NPHP1: variants seen among roughly 807,000 people sequenced by gnomAD.
The protein encoded by NPHP1 is nephrocystin 1, also known as nephrocystin-1.
Under a neutral mutation model 90.4 loss-of-function variants are expected in NPHP1, and 70 were observed. That is an observed-to-expected ratio of 0.77 (90% CI 0.64 to 0.95). The LOEUF (loss-of-function observed/expected upper bound fraction) is 0.95. NPHP1 is among the 40% of genes least tolerant of loss of function. NPHP1 has a pLI of 0.00. For synonymous variants in NPHP1, 256 were observed against 271.7 expected (o/e 0.94, Z 0.57); for missense variants, 764 against 795.9 (o/e 0.96, Z 0.48).
At chr2:110,190,796 A>G (rs1684665762) in intron 2 of NPHP1, among the ~76,000 whole-genome samples, 1 of 152,206 alleles carries the variant, frequency 6.6e-6, no homozygotes, top group Admixed American at 6.5e-5. Flanking sequence ...AGAATGGGGG[A>G]AAATGTTTAC....
chr2:110,125,766 T>G (rs1392975362), intron 18 of NPHP1, 85 bp from the exon 19 acceptor site: 1 of 1,106,518 alleles, frequency 9.0e-7, no homozygotes, highest in Non-Finnish European at 1.4e-6. Context: ...GTAAATAAAC[T>G]TATGGACAGG....
At chr2:110,125,858 A>G (rs1679322402) in intron 18 of NPHP1, 177 bp from the exon 19 acceptor site, 1 of 643,942 alleles carries the variant, frequency 1.6e-6, no homozygotes, top group Non-Finnish European at 2.8e-6. Flanking sequence ...CAGCACCAGA[A>G]TGACCAGGCA....
chr2:110,162,063 C>G (rs972065910), intron 9 of NPHP1, among the ~76,000 whole-genome samples: 1 of 152,070 alleles, frequency 6.6e-6, no homozygotes, highest in African/African-American at 2.4e-5. Flanking sequence ...AACACAAAAG[C>G]ATTTTATGCT....
chr2:110,172,209 T>C (rs1052448937), intron 4 of NPHP1, among the ~76,000 whole-genome samples: 4 of 152,154 alleles, frequency 2.6e-5, no homozygotes, highest in Non-Finnish European at 5.9e-5. Flanking sequence ...TTTCATAGTA[T>C]CTTTTTAATG....
At chr2:110,138,907 A>G (rs1044265960) in intron 16 of NPHP1, among the ~76,000 whole-genome samples, 19 of 152,100 alleles carry the variant, frequency 1.2e-4, no homozygotes, top group Non-Finnish European at 2.4e-4. Flanking sequence ...ACATGAAGCA[A>G]TGCTGCTTGC....
intron 13 of NPHP1, among the ~76,000 whole-genome samples, 168 bp downstream of exon 13, chr2:110,147,748 A>G (rs1681165354): frequency 6.6e-6 from 1 of 152,170 alleles, no homozygotes; most frequent in South Asian, 2.1e-4. Context: ...AAATGCTACG[A>G]AAACAAATCA....
intron 19 of NPHP1, chr2:110,125,095 G>C: frequency 8.6e-7 from 1 of 1,166,906 alleles, no homozygotes; most frequent in Non-Finnish European, 1.2e-6. Flanking sequence ...TAGTGTGACA[G>C]AGACCACAAG....
intron 16 of NPHP1, among the ~76,000 whole-genome samples, chr2:110,136,800 C>T (rs989464963): frequency 2.6e-4 from 40 of 152,138 alleles, no homozygotes; most frequent in Non-Finnish European, 4.7e-4. Context: ...CAATGACTTT[C>T]TTCACAGAAT....
At position 110,123,722 on chromosome 2, in the gene NPHP1, AT is replaced by A. The variant is rs1679137955; in HGVS notation, c.*68del. ...AGTGACAGTGATTTTTGGTTCCATC[AT>A]TTTATTCACGTAATCGTGGAGGATC... On this transcript the variant is annotated 3_prime_UTR_variant, in exon 20 of 20. Transcript: ENST00000445609. 2 of 1,541,464 alleles carry A rather than the reference AT, an allele frequency of 1.3e-6. No homozygotes were observed. The highest frequency in any genetic ancestry group is 1.8e-6 in the Non-Finnish European group (2 of 1,116,264).
At chr2:110,184,821 T>A (rs1574173381) in intron 2 of NPHP1, 1 of 705,952 alleles carries the variant, frequency 1.4e-6, no homozygotes, top group African/African-American at 1.7e-5. Flanking sequence ...GGCAGCACCA[T>A]TGAGATTGGT....
chr2:110,164,172 G>A, intron 8 of NPHP1: 1 of 320,270 alleles, frequency 3.1e-6, no homozygotes, highest in Non-Finnish European at 5.9e-6. Context: ...GAGTAGCTGG[G>A]ACTACAGGCA....
At chr2:110,134,460 G>A (rs1680016610) in intron 16 of NPHP1, among the ~76,000 whole-genome samples, 1 of 147,448 alleles carries the variant, frequency 6.8e-6, no homozygotes, top group Non-Finnish European at 1.5e-5. Context: ...AAAAAATGAA[G>A]AGGAAAAAAC....
At chr2:110,194,812 A>G (rs562350549) in intron 2 of NPHP1, among the ~76,000 whole-genome samples, 91 of 152,302 alleles carry the variant, frequency 6.0e-4, no homozygotes, top group African/African-American at 2.2e-3. Flanking sequence ...ATCCACCATG[A>G]TCAAGTGGGC....
intron 11 of NPHP1, among the ~76,000 whole-genome samples, chr2:110,154,678 G>T (rs769539430): frequency 1.3e-5 from 2 of 152,084 alleles, no homozygotes; most frequent in Admixed American, 6.6e-5. Context: ...GTGGCATTTT[G>T]CCCCTGCCCT....
chr2:110,179,734 C>T (rs756970881), intron 2 of NPHP1, 50 bp from the exon 3 acceptor site: 1 of 850,094 alleles, frequency 1.2e-6, no homozygotes, highest in South Asian at 1.4e-5. Flanking sequence ...TTATCAGAAC[C>T]AGAAAGCTAT....
chr2:110,182,324 C>A (rs1191426663), intron 2 of NPHP1, among the ~76,000 whole-genome samples: 12 of 151,408 alleles, frequency 7.9e-5, no homozygotes, highest in Non-Finnish European at 2.9e-5. Context: ...AACCCCAACA[C>A]ACATAATCAT....
intron 18 of NPHP1, chr2:110,127,753 T>C (rs1268744776): frequency 6.6e-6 from 1 of 152,106 alleles, no homozygotes; most frequent in Non-Finnish European, 1.5e-5. Flanking sequence ...ATCTCCAAGC[T>C]GTCTGCTCAT....
At position 110,159,789 on chromosome 2, in the gene NPHP1, T is replaced by C. The variant is rs1019501032; in HGVS notation, c.1083+338A>G. Among the ~76,000 whole-genome samples, 7 of 152,072 alleles carry C rather than the reference T, an allele frequency of 4.6e-5. No homozygotes were observed. In the South Asian group the frequency reaches 1.5e-3, roughly 32 times the overall value. On this transcript the variant is annotated intron_variant, in intron 11 of 19. Coordinates refer to ENST00000445609, the MANE Select transcript of NPHP1 (RefSeq NM_001128178.3). The stretch of plus-strand genomic sequence containing the variant: ...TCCATCTGTTTTCTATTTCATTAAT[T>C]TCTACTCTTATCTGTATTATTTCCC...
At chr2:110,143,012 CA>C (rs1323554435) in intron 16 of NPHP1, among the ~76,000 whole-genome samples, 1 of 152,076 alleles carries the variant, frequency 6.6e-6, no homozygotes. Context: ...ATTTGTATGA[CA>C]TTTTGGACAA....
Sources: allele counts gnomAD v4.1 joint callset (sites outside exome capture counted in the v4.1 genomes callset), GRCh38; gene constraint gnomAD v4.1.1; transcripts MANE v1.5; gene names NCBI Gene and HGNC (gene_info 2026-07-23, HGNC 2026-07-21).